The following PEX10 variants were observed in gnomAD, a reference collection of about 807,000 sequenced individuals.
PEX10 encodes peroxisomal biogenesis factor 10.
In PEX10, 32 loss-of-function variants were observed where a neutral mutation model predicts 38.0. The ratio of observed to expected loss-of-function variants is 0.84; its 90% confidence interval spans 0.63 to 1.13. PEX10 has a LOEUF of 1.13. PEX10 is among the 50% of genes most tolerant of loss of function. PEX10 has a pLI of 0.00. For synonymous variants in PEX10, 206 were observed against 207.3 expected (o/e 0.99, Z 0.05); for missense variants, 483 against 457.7 (o/e 1.06, Z -0.51).
chr1:2,410,291 C>T lies in PEX10; in HGVS notation c.193+80G>A, dbSNP rs980748474. On this transcript the variant is annotated intron_variant, in intron 2 of 5. Coordinates refer to ENST00000447513, the MANE Select transcript of PEX10 (RefSeq NM_002617.4). This position sits in a 1 kb window ranked among gnomAD's most constrained non-coding sequence, Gnocchi z 5.1. ...CCAGCTCCAGGAGCTTCTCACACTGCCTGGCAGCCCCCTGGCCACCGTCCC... is the reference window on the plus strand; with the variant it reads ...CCAGCTCCAGGAGCTTCTCACACTGTCTGGCAGCCCCCTGGCCACCGTCCC... 2.4e-6 allele frequency: 3 copies of T among 1,260,900 alleles called. No individual in the cohort carries two copies. The highest frequency in any genetic ancestry group is 1.9e-4 in the Middle Eastern group (1 of 5,334). 78.1% of individuals were successfully genotyped at this position (1,260,900 alleles called of 1,614,324 possible). A position where few individuals can be genotyped will look rare whatever the true frequency, so the allele number is the denominator to read the frequency against.
chr1:2,411,940 G>A (rs1457497297), intron 1 of PEX10, among the ~76,000 whole-genome samples: 2 of 152,262 alleles, frequency 1.3e-5, no homozygotes, highest in African/African-American at 2.4e-5. Flanking sequence ...TCAGGCCTAG[G>A]AAAGGCCGGG....
At position 2,410,354 on chromosome 1, in the gene PEX10, C is replaced by T; in HGVS notation, c.193+17G>A. 1 of 1,607,844 alleles carries T rather than the reference C, an allele frequency of 6.2e-7. No homozygotes were observed. Among genetic ancestry groups the T allele is most frequent in the Non-Finnish European group, 8.5e-7 (1 of 1,174,266 alleles). ...GTGTGGCTGCCCTCAGTCCTGAGGT[C>T]CCGTGGGAGCTTCTACCTGCAAGTG... On this transcript the variant is annotated intron_variant, in intron 2 of 5. Coordinates refer to ENST00000447513, the MANE Select transcript of PEX10 (RefSeq NM_002617.4). This position sits in a 1 kb window ranked among gnomAD's most constrained non-coding sequence, Gnocchi z 5.1.
rs569812075 is a variant in PEX10, at chr1:2,408,981, C to G, written c.194-123G>C. 3.0e-5 allele frequency: 28 copies of G among 921,396 alleles called. No homozygotes were observed. The East Asian group carries it at 7.1e-4, about 23-fold the overall frequency. 57.1% of individuals were successfully genotyped at this position (921,396 alleles called of 1,614,324 possible). On this transcript the variant is annotated intron_variant, in intron 2 of 5. Coordinates refer to ENST00000447513, the MANE Select transcript of PEX10 (RefSeq NM_002617.4). ...ACAGCCCCATCTTGTCGCCCTTGAG[C>G]CCACTGTCACCCCGTGCTGGCTGAG...
In PEX10 at chr1:2,405,802, A is replaced by G; in HGVS notation, c.945T>C (p.Pro315=). The G allele has an allele frequency of 1.2e-6, 2 of 1,602,388 alleles. No individual in the cohort carries two copies. The highest frequency in any genetic ancestry group is 1.7e-6 in the Non-Finnish European group (2 of 1,174,968). ...AECPLCREKF[P]PQKLIYLRHY... ...GCCGAAGGTAGATGAGCTTCTGGGG[A>G]GGGAACTTCTCCCGGCAGAGGGGAC... is the stretch of plus-strand genomic sequence containing the variant. The change falls in exon 6 of 6, where the codon CCT becomes CCC. Residue 315 remains proline (P), a synonymous_variant. Transcript: ENST00000447513.
rs1643136888 is a variant in PEX10 at position 2,410,002 on chromosome 1, C to T, written c.193+369G>A. On this transcript the variant is annotated intron_variant, in intron 2 of 5. Coordinates refer to ENST00000447513, the MANE Select transcript of PEX10 (RefSeq NM_002617.4). The surrounding 1 kb of genome is among the most constrained non-coding windows in gnomAD (Gnocchi z 5.1). ...ACTCCCTCTAAAGGGTGGTGACCAG[C>T]CTGGGCCACAGACCCACCACTGCTC... The T allele has an allele frequency of 6.1e-6, 2 of 326,620 alleles. No individual in the cohort carries two copies. Among genetic ancestry groups the T allele is most frequent in the Admixed American group, 4.1e-5 (1 of 24,370 alleles). The allele number at this position is 326,620 out of a possible 1,614,324, so 20.2% of individuals were successfully genotyped here.
rs1643165963 is a variant in PEX10, at chr1:2,410,738, A to G, written c.113-287T>C. On this transcript the variant is annotated intron_variant, in intron 1 of 5. Transcript: ENST00000447513. This position sits in a 1 kb window ranked among gnomAD's most constrained non-coding sequence, Gnocchi z 5.1. ...TAGGGCCTATGAGGGCCACATGGAA[A>G]GATGGTCTGGGGTATTAAGATTACA... 5.6e-6 allele frequency: 3 copies of G among 533,988 alleles called. No homozygotes were observed. The highest frequency in any genetic ancestry group is 4.8e-5 in the East Asian group (1 of 20,882). 33.1% of individuals were successfully genotyped at this position (533,988 alleles called of 1,614,324 possible). A position where few individuals can be genotyped will look rare whatever the true frequency, so the allele number is the denominator to read the frequency against.
At chr1:2,406,403 TC>T in intron 5 of PEX10, 80 bp downstream of exon 5, 1 of 1,572,216 alleles carries the variant, frequency 6.4e-7, no homozygotes, top group Non-Finnish European at 8.7e-7. Flanking sequence ...AGAGCCAGAC[TC>T]CCCACTTCTG....
intron 3 of PEX10, 114 bp downstream of exon 3, chr1:2,408,338 T>C (rs1330357097): frequency 1.5e-5 from 17 of 1,139,864 alleles, no homozygotes; most frequent in Non-Finnish European, 2.2e-5. Context: ...AGATGCTGGA[T>C]GTAGAACCCT....
intron 3 of PEX10, 90 bp from the exon 4 acceptor site, chr1:2,406,985 GAGCACGTT>G: frequency 6.6e-7 from 1 of 1,520,616 alleles, no homozygotes; most frequent in Non-Finnish European, 8.9e-7. Flanking sequence ...AGTTGGCACA[GAGCACGTT>G]AGAACCAGGC....
At chr1:2,412,913 G>C (rs1021839119), upstream of PEX10, among the ~76,000 whole-genome samples, 3 of 152,200 alleles carry the variant, frequency 2.0e-5, no homozygotes, top group African/African-American at 7.2e-5. Flanking sequence ...CCTCCCACTG[G>C]GGACAGCGCT....
chr1:2,406,124 C>T (rs1642994088), intron 5 of PEX10, among the ~76,000 whole-genome samples: 1 of 152,100 alleles, frequency 6.6e-6, no homozygotes, highest in African/African-American at 2.4e-5. Flanking sequence ...GGAAAGCGTG[C>T]GCTCTCACCC....
rs915354894 is a variant in PEX10, at chr1:2,405,428, T to C, written c.*338A>G. The C allele has an allele frequency of 3.1e-5, 14 of 457,032 alleles. No individual in the cohort carries two copies. The highest frequency in any genetic ancestry group is 5.7e-5 in the Non-Finnish European group (14 of 245,600). 28.3% of individuals were successfully genotyped at this position (457,032 alleles called of 1,614,324 possible). A position where few individuals can be genotyped will look rare whatever the true frequency, so the allele number is the denominator to read the frequency against. The stretch of plus-strand genomic sequence containing the variant: ...CACAATATAAACGAATAAAGTGTCT[T>C]CTGGCCTACTTCTGAATTACTTCTC... On this transcript the variant is annotated 3_prime_UTR_variant, in exon 6 of 6. Coordinates refer to ENST00000447513, the MANE Select transcript of PEX10 (RefSeq NM_002617.4).
In PEX10 at chr1:2,412,495, G is replaced by A. The variant is rs528381804; in HGVS notation, c.8C>T (p.Pro3Leu). The part of the protein sequence containing the change: MA[P>L]AAASPPEVIR... ...CACCTCCGGGGGGCTGGCGGCGGCC[G>A]GGGCCATGGCCGCGGGTTCGGGTGG... Residue 3 changes from proline (P) to leucine (L), a missense_variant, in exon 1 of 6, where the codon CCG becomes CTG. Coordinates refer to ENST00000447513, the MANE Select transcript of PEX10 (RefSeq NM_002617.4). The A allele has an allele frequency of 5.8e-6, 8 of 1,368,892 alleles. No individual in the cohort carries two copies. Among genetic ancestry groups the A allele is most frequent in the Admixed American group, 6.7e-5 (2 of 29,800 alleles). The allele number at this position is 1,368,892 out of a possible 1,614,324, so 84.8% of individuals were successfully genotyped here. A position where few individuals can be genotyped will look rare whatever the true frequency, so the allele number is the denominator to read the frequency against.
intron 1 of PEX10, among the ~76,000 whole-genome samples, chr1:2,411,229 CCTTTT>C (rs1643194583): frequency 6.8e-6 from 1 of 146,172 alleles, no homozygotes; most frequent in South Asian, 2.2e-4. Flanking sequence ...GATGGCTTTG[CCTTTT>C]TTTTTTTTTT....
At chr1:2,411,230 C>CTTTTTTT (rs140273455) in intron 1 of PEX10, among the ~76,000 whole-genome samples, 8 of 114,026 alleles carry the variant, frequency 7.0e-5, no homozygotes, top group East Asian at 2.6e-4. Flanking sequence ...ATGGCTTTGC[C>CTTTTTTT]TTTTTTTTTT....
chr1:2,405,869 G>A, intron 5 of PEX10, 35 bp from the exon 6 acceptor site: 2 of 1,515,438 alleles, frequency 1.3e-6, no homozygotes, highest in Non-Finnish European at 1.8e-6. Context: ...CAGCAGCTGG[G>A]GCCACTGGGC....
rs531302531 is a variant in PEX10, at chr1:2,404,581, C to A, written c.*1185G>T. ...CCTCCCAGTCTAGAGGGTCACGGCCCCCCCGCCCTCCTCCGTCTCTGGCAA... is the reference window on the plus strand; with the variant it reads ...CCTCCCAGTCTAGAGGGTCACGGCCACCCCGCCCTCCTCCGTCTCTGGCAA... On this transcript the variant is annotated 3_prime_UTR_variant, in exon 6 of 6. Transcript: ENST00000447513. The A allele has an allele frequency of 6.6e-6, 1 of 152,250 alleles. No individual in the cohort carries two copies. Among genetic ancestry groups the A allele is most frequent in the Non-Finnish European group, 1.5e-5 (1 of 68,066 alleles). 9.4% of individuals were successfully genotyped at this position (152,250 alleles called of 1,614,324 possible).
chr1:2,407,899 C>T (rs1217193472), intron 3 of PEX10, among the ~76,000 whole-genome samples: 1 of 151,920 alleles, frequency 6.6e-6, no homozygotes, highest in African/African-American at 2.4e-5. Context: ...GGGGAGGCTT[C>T]GTTGCTGAAT....
chr1:2,410,398 C>T lies in PEX10; in HGVS notation c.166G>A (p.Ala56Thr), dbSNP rs1643147007. 3 of 1,614,000 alleles carry T rather than the reference C, an allele frequency of 1.9e-6. No homozygotes were observed. Among genetic ancestry groups the T allele is most frequent in the Non-Finnish European group, 2.5e-6 (3 of 1,179,976 alleles). Residue 56 changes from alanine (A) to threonine (T), a missense_variant, in exon 2 of 6, where the codon GCC becomes ACC. Ala to Thr is a moderately conservative substitution (Grantham distance 58, BLOSUM62 0). Coordinates refer to ENST00000447513, the MANE Select transcript of PEX10 (RefSeq NM_002617.4). This position sits in a 1 kb window ranked among gnomAD's most constrained non-coding sequence, Gnocchi z 5.1. ...GCAAGTGTGGTGAGGCCAAAGTAGG[C>T]CACATCTGAGAGCAGCTCAACCTCC... ...RKEVELLSDVAYFGLTTLAGY... is the reference protein window; with the variant it reads ...RKEVELLSDVTYFGLTTLAGY...
Sources: allele counts gnomAD v4.1 joint callset (sites outside exome capture counted in the v4.1 genomes callset), GRCh38; gene constraint gnomAD v4.1.1; non-coding constraint Gnocchi (gnomAD v3.1); transcripts MANE v1.5; gene names NCBI Gene and HGNC (gene_info 2026-07-23, HGNC 2026-07-21).